FRMD5: variants seen among roughly 807,000 people sequenced by gnomAD.
FRMD5 encodes FERM domain containing 5.
A neutral mutation model predicts 69.0 loss-of-function variants in FRMD5; 20 were observed. The observed-to-expected ratio is 0.29, with a 90% CI of 0.20 to 0.42. FRMD5 has a LOEUF of 0.42. FRMD5 is among the 10% of genes least tolerant of loss of function. FRMD5 has a pLI of 1.00. For missense variants in FRMD5, 595 were observed against 708.6 expected, an observed-to-expected ratio of 0.84 and a Z score of 1.82; for synonymous variants, 271 against 260.1, an observed-to-expected ratio of 1.04 and a Z score of -0.40.
intron 1 of FRMD5, among the ~76,000 whole-genome samples, chr15:44,057,151 T>C (rs201946513): frequency 1.3e-4 from 16 of 119,420 alleles, no homozygotes; most frequent in African/African-American, 4.4e-4. Context: ...TTTTTTTTTT[T>C]TCTCACTCTG....
intron 1 of FRMD5, among the ~76,000 whole-genome samples, chr15:44,189,026 T>C (rs2078149318): frequency 6.6e-6 from 1 of 152,176 alleles, no homozygotes; most frequent in African/African-American, 2.4e-5. Context: ...AACTCAGTGG[T>C]TGCCAAGCAT....
At chr15:43,904,798 C>T (rs142376813) in intron 6 of FRMD5, among the ~76,000 whole-genome samples, 3 of 152,274 alleles carry the variant, frequency 2.0e-5, no homozygotes, top group African/African-American at 7.2e-5. Flanking sequence ...GTAGAAAATC[C>T]TACTTCATGT....
At chr15:44,110,625 T>C (rs1268329634) in intron 1 of FRMD5, among the ~76,000 whole-genome samples, 1 of 152,204 alleles carries the variant, frequency 6.6e-6, no homozygotes, top group Non-Finnish European at 1.5e-5. Context: ...AGAAAAAGTG[T>C]GGACCATCTC....
intron 1 of FRMD5, among the ~76,000 whole-genome samples, chr15:43,952,109 G>C (rs561748004): frequency 6.6e-6 from 1 of 151,566 alleles, no homozygotes; most frequent in Non-Finnish European, 1.5e-5. Flanking sequence ...AGCTCTCCTA[G>C]GAGGGGTAAA....
intron 1 of FRMD5, among the ~76,000 whole-genome samples, chr15:43,932,232 A>G (rs2089688141): frequency 6.6e-6 from 1 of 152,208 alleles, no homozygotes; most frequent in Admixed American, 6.5e-5. Flanking sequence ...CACTCAAGGA[A>G]CAGAAGCCTG....
chr15:43,980,912 C>T (rs1023692369), intron 1 of FRMD5, among the ~76,000 whole-genome samples: 3 of 152,156 alleles, frequency 2.0e-5, no homozygotes, highest in African/African-American at 7.2e-5. Context: ...AGTAAAAAAT[C>T]TACCTATAAA....
intron 1 of FRMD5, among the ~76,000 whole-genome samples, chr15:44,112,847 G>A (rs1014787782): frequency 1.3e-5 from 2 of 151,458 alleles, no homozygotes; most frequent in East Asian, 2.0e-4. Context: ...CACCCACCTC[G>A]GCCTCCCAAA....
chr15:44,154,687 C>T (rs548388148), intron 1 of FRMD5, among the ~76,000 whole-genome samples: 1 of 152,258 alleles, frequency 6.6e-6, no homozygotes, highest in South Asian at 2.1e-4. Flanking sequence ...CACAAAGTAC[C>T]TCATGTTGTA....
At chr15:44,196,431 C>T (rs1399570004), upstream of FRMD5, among the ~76,000 whole-genome samples, 1 of 151,690 alleles carries the variant, frequency 6.6e-6, no homozygotes, top group Non-Finnish European at 1.5e-5. Flanking sequence ...GGCCATTGCA[C>T]TCCAGCCTGG....
chr15:43,891,932 C>T, intron 8 of FRMD5, 49 bp downstream of exon 8: 2 of 1,497,240 alleles, frequency 1.3e-6, no homozygotes, highest in East Asian at 2.3e-5. Context: ...GTCGCCCCTC[C>T]CCAGTTGGTG....
intron 1 of FRMD5, among the ~76,000 whole-genome samples, chr15:44,000,949 A>G (rs561363535): frequency 1.8e-4 from 28 of 152,192 alleles, no homozygotes; most frequent in African/African-American, 6.7e-4. Flanking sequence ...CAGTAGCTGG[A>G]ACTATAGGTG....
At chr15:43,988,227 A>T (rs1156843510) in intron 1 of FRMD5, among the ~76,000 whole-genome samples, 5 of 152,186 alleles carry the variant, frequency 3.3e-5, no homozygotes, top group African/African-American at 1.2e-4. Context: ...ACCCCTGGAC[A>T]GAAGATCAAA....
intron 1 of FRMD5, among the ~76,000 whole-genome samples, chr15:43,939,930 C>A (rs761533155): frequency 2.6e-5 from 4 of 152,116 alleles, no homozygotes; most frequent in Admixed American, 2.6e-4. Context: ...GTGCTCCCAG[C>A]GCTTTGGGAG....
At chr15:44,022,374 G>A (rs1300253413) in intron 1 of FRMD5, among the ~76,000 whole-genome samples, 3 of 151,528 alleles carry the variant, frequency 2.0e-5, no homozygotes, top group African/African-American at 7.3e-5. Context: ...AGACCAGCCT[G>A]GCCAACATGG....
chr15:44,192,917 A>G lies in FRMD5; in HGVS notation c.102+2036T>C, dbSNP rs534476458. 5.1e-4 allele frequency among the ~76,000 whole-genome samples: 77 copies of G among 152,354 alleles called. 1 individual carries two copies. The highest frequency in any genetic ancestry group is 1.8e-3 in the African/African-American group (73 of 41,588). On this transcript the variant is annotated intron_variant, in intron 1 of 13. Coordinates refer to ENST00000417257, the MANE Select transcript of FRMD5 (RefSeq NM_032892.5). ...AAGCTTAATTTTTTAGGTGGCCTAG[A>G]TATTTTATAAAATTAAATTGTAATA...
At chr15:43,966,227 C>A (rs548129164) in intron 1 of FRMD5, among the ~76,000 whole-genome samples, 1 of 151,766 alleles carries the variant, frequency 6.6e-6, no homozygotes, top group African/African-American at 2.4e-5. Context: ...AAAAGTTAGC[C>A]GGGGCGTGGT....
chr15:44,079,348 G>A (rs1310748832), intron 1 of FRMD5, among the ~76,000 whole-genome samples: 2 of 152,112 alleles, frequency 1.3e-5, no homozygotes, highest in Non-Finnish European at 2.9e-5. Flanking sequence ...TGCAGCCACT[G>A]TGGAAAATAG....
intron 1 of FRMD5, among the ~76,000 whole-genome samples, chr15:44,149,140 G>C (rs2077404620): frequency 6.6e-6 from 1 of 151,992 alleles, no homozygotes; most frequent in African/African-American, 2.4e-5. Flanking sequence ...AGAAGGAATG[G>C]GGACAGAACT....
chr15:44,013,698 A>G (rs1437458497), intron 1 of FRMD5, among the ~76,000 whole-genome samples: 1 of 152,182 alleles, frequency 6.6e-6, no homozygotes, highest in African/African-American at 2.4e-5. Flanking sequence ...TGGTTGAATG[A>G]GGACTTCTTT....
Sources: allele counts gnomAD v4.1 joint callset (sites outside exome capture counted in the v4.1 genomes callset), GRCh38; gene constraint gnomAD v4.1.1; transcripts MANE v1.5; gene names NCBI Gene and HGNC (gene_info 2026-07-23, HGNC 2026-07-21).